ANKRD17: variants seen among roughly 807,000 people sequenced by gnomAD.
ANKRD17 encodes the protein ankyrin repeat domain-containing protein 17.
In ANKRD17, 19 loss-of-function variants were observed where a neutral mutation model predicts 229.7. That is an observed-to-expected ratio of 0.08 (90% CI 0.06 to 0.12). The LOEUF is 0.12. Ranked by LOEUF, ANKRD17 falls within the 10% of genes least tolerant of loss-of-function variation. The pLI is 1.00. For synonymous variants in ANKRD17, 1,112 were observed against 1,146.1 expected (o/e 0.97, Z 0.60); for missense variants, 2,176 against 3,176.8 (o/e 0.68, Z 7.57).
chr4:73,084,172 G>A (rs1412549556), intron 30 of ANKRD17, among the ~76,000 whole-genome samples: 2 of 152,042 alleles, frequency 1.3e-5, no homozygotes, highest in Non-Finnish European at 2.9e-5. Context: ...ATGAGATCAG[G>A]AGTTTGAGAC....
At chr4:73,178,188 G>A (rs1578287376) in intron 1 of ANKRD17, among the ~76,000 whole-genome samples, 1 of 152,116 alleles carries the variant, frequency 6.6e-6, no homozygotes, top group Admixed American at 6.5e-5. Context: ...ATTTTTAGAG[G>A]AGCATTTGCC....
At chr4:73,136,450 T>A (rs1560574696) in intron 15 of ANKRD17, among the ~76,000 whole-genome samples, 1 of 152,126 alleles carries the variant, frequency 6.6e-6, no homozygotes, top group Non-Finnish European at 1.5e-5. Flanking sequence ...AAATCCTTAG[T>A]TCAGGCACAA....
chr4:73,179,877 A>G (rs1258134339), intron 1 of ANKRD17, among the ~76,000 whole-genome samples: 1 of 152,084 alleles, frequency 6.6e-6, no homozygotes, highest in Non-Finnish European at 1.5e-5. Flanking sequence ...GCAAAGAGTG[A>G]TTCAAAATTA....
rs758135744 is a variant in ANKRD17, at chr4:73,102,368, GA to G, written c.4573+7del. 15 of 1,576,760 alleles carry G rather than the reference GA, an allele frequency of 9.5e-6. No individual in the cohort carries two copies. In the East Asian group the frequency reaches 3.4e-4, roughly 35 times the overall value. ...AAAACAAATGGGATGGTTGTTAAGA[GA>G]AAATACCTTCAACTTTAAGCTTTTC... On this transcript the variant is annotated splice_region_variant and intron_variant, in intron 25 of 33. Transcript: ENST00000358602.
At chr4:73,201,728 C>A (rs2149109326) in intron 1 of ANKRD17, among the ~76,000 whole-genome samples, 1 of 152,130 alleles carries the variant, frequency 6.6e-6, no homozygotes, top group Middle Eastern at 3.4e-3. Flanking sequence ...ATAGTAATTG[C>A]CATTAGGAAT....
intron 3 of ANKRD17, among the ~76,000 whole-genome samples, chr4:73,157,932 A>G (rs1731883449): frequency 6.6e-6 from 1 of 150,594 alleles, no homozygotes; most frequent in Non-Finnish European, 1.5e-5. Context: ...TACTAAAAAT[A>G]CAAAAAAAAA....
chr4:73,103,148 T>C (rs1724207395), intron 24 of ANKRD17, among the ~76,000 whole-genome samples: 1 of 151,688 alleles, frequency 6.6e-6, no homozygotes, highest in African/African-American at 2.4e-5. Context: ...GAATACTAGA[T>C]AGGCACCGTA....
chr4:73,241,379 T>C (rs907360363), intron 1 of ANKRD17, among the ~76,000 whole-genome samples: 2 of 152,186 alleles, frequency 1.3e-5, no homozygotes, highest in African/African-American at 4.8e-5. Flanking sequence ...CATTAACTAA[T>C]GAATGGATAA....
rs547893384 is a variant in ANKRD17, at chr4:73,106,036, TCTCA to T, written c.4402-3493_4402-3490del. On this transcript the variant is annotated intron_variant, in intron 24 of 33. Coordinates refer to ENST00000358602, the MANE Select transcript of ANKRD17 (RefSeq NM_032217.5). The stretch of plus-strand genomic sequence containing the variant: ...ATTCAGTCTCACTTTCTATATTTTC[TCTCA>T]CTTTCTCTCATAAGCCTAAATCTCA... Among the ~76,000 whole-genome samples, 83 of 152,272 alleles carry T rather than the reference TCTCA, an allele frequency of 5.5e-4. 1 individual carries two copies. The South Asian group carries it at 0.016, about 29-fold the overall frequency.
At position 73,139,838 on chromosome 4, in the gene ANKRD17, A is replaced by G; in HGVS notation, c.2778T>C (p.Tyr926=). The G allele has an allele frequency of 6.2e-7, 1 of 1,614,238 alleles. No homozygotes were observed. Among genetic ancestry groups the G allele is most frequent in the Non-Finnish European group, 8.5e-7 (1 of 1,180,050 alleles). The part of the protein sequence containing the change: ...GVGEQLSEGD[Y]ARLQQVDPVL... ...CAGGATCCACTTGCTGTAACCGTGCATAGTCTCCCTCAGAAAGCTGCTCTC... is the reference window on the plus strand; with the variant it reads ...CAGGATCCACTTGCTGTAACCGTGCGTAGTCTCCCTCAGAAAGCTGCTCTC... Residue 926 remains tyrosine (Y), a synonymous_variant, in exon 15 of 34, where the codon TAT becomes TAC. Transcript: ENST00000358602.
intron 1 of ANKRD17, among the ~76,000 whole-genome samples, chr4:73,186,321 A>G (rs752876447): frequency 6.6e-6 from 1 of 152,074 alleles, no homozygotes; most frequent in African/African-American, 2.4e-5. Context: ...CTGAAATTTG[A>G]AAAGTTGAAA....
At chr4:73,089,950 C>G (rs984223611) in intron 29 of ANKRD17, among the ~76,000 whole-genome samples, 1 of 151,876 alleles carries the variant, frequency 6.6e-6, no homozygotes, top group Non-Finnish European at 1.5e-5. Flanking sequence ...TTATTGGCTA[C>G]CATATCAGAC....
Position 73,091,682 on chromosome 4 carries a change from A to T in ANKRD17, c.5946T>A (p.Gly1982=). The part of the protein sequence containing the change: ...TTSSSASTVP[G]TSTNGSPSSP... ...AACTTGGACTGCCATTTGTAGATGT[A>T]CCAGGCACCGTTGAAGCTGATGAAC... Residue 1982 remains glycine (G), a synonymous_variant, in exon 29 of 34, where the codon GGT becomes GGA. Coordinates refer to ENST00000358602, the MANE Select transcript of ANKRD17 (RefSeq NM_032217.5). 1 of 1,614,178 alleles carries T rather than the reference A, an allele frequency of 6.2e-7. No individual in the cohort carries two copies. Among genetic ancestry groups the T allele is most frequent in the Non-Finnish European group, 8.5e-7 (1 of 1,180,032 alleles).
At chr4:73,177,823 G>A (rs1734940822) in intron 1 of ANKRD17, among the ~76,000 whole-genome samples, 1 of 152,118 alleles carries the variant, frequency 6.6e-6, no homozygotes, top group Non-Finnish European at 1.5e-5. Context: ...ATGTAGGGTT[G>A]AGTGTGATGC....
chr4:73,202,777 T>C (rs1738851811), intron 1 of ANKRD17, among the ~76,000 whole-genome samples: 1 of 152,146 alleles, frequency 6.6e-6, no homozygotes, highest in Admixed American at 6.5e-5. Context: ...ACATCCAGCA[T>C]CTAATAAAAA....
intron 18 of ANKRD17, among the ~76,000 whole-genome samples, chr4:73,124,277 G>A (rs535321609): frequency 4.4e-5 from 3 of 68,332 alleles, no homozygotes; most frequent in African/African-American, 2.0e-4. Flanking sequence ...CCTGTACAAA[G>A]GACTGAATTT....
At chr4:73,209,995 T>C (rs1740038490) in intron 1 of ANKRD17, among the ~76,000 whole-genome samples, 1 of 152,068 alleles carries the variant, frequency 6.6e-6, no homozygotes, top group African/African-American at 2.4e-5. Flanking sequence ...TACTTAATGG[T>C]GAAAGACTGA....
At chr4:73,115,036 A>G (rs1217312664) in intron 23 of ANKRD17, among the ~76,000 whole-genome samples, 2 of 152,212 alleles carry the variant, frequency 1.3e-5, no homozygotes, top group African/African-American at 2.4e-5. Context: ...TAGCCAATTC[A>G]TTCTAAAACT....
chr4:73,250,662 G>T (rs1036482742), intron 1 of ANKRD17, among the ~76,000 whole-genome samples: 1 of 145,040 alleles, frequency 6.9e-6, no homozygotes, highest in Admixed American at 6.8e-5. Flanking sequence ...GGCTCCAATA[G>T]GAATTCCTCA....
Sources: allele counts gnomAD v4.1 joint callset (sites outside exome capture counted in the v4.1 genomes callset), GRCh38; gene constraint gnomAD v4.1.1; transcripts MANE v1.5; gene names NCBI Gene and HGNC (gene_info 2026-07-23, HGNC 2026-07-21).